The following TOP3A variants were observed in gnomAD, a reference collection of about 807,000 sequenced individuals.
The protein encoded by TOP3A is DNA topoisomerase 3-alpha.
In TOP3A, 64 loss-of-function variants were observed where a neutral mutation model predicts 111.3. The ratio of observed to expected loss-of-function variants is 0.57; its 90% confidence interval spans 0.47 to 0.71. TOP3A has a LOEUF of 0.71. Among genes scored for constraint, TOP3A ranks in the 30% least tolerant of loss-of-function variants. The pLI is 0.00. For missense variants in TOP3A, 1,104 were observed against 1,285.0 expected (o/e 0.86, Z 2.15); for synonymous variants, 484 against 485.1 (o/e 1.00, Z 0.03).
In TOP3A at chr17:18,295,467, A is replaced by AT. The variant is rs1248505223; in HGVS notation, c.991-683dup. Among the ~76,000 whole-genome samples, 6 of 142,032 alleles carry AT rather than the reference A, an allele frequency of 4.2e-5. No homozygotes were observed. In the South Asian group the frequency reaches 1.3e-3, roughly 32 times the overall value. 93.2% of individuals were successfully genotyped at this position (142,032 alleles called of 152,430 possible). A position where few individuals can be genotyped will look rare whatever the true frequency, so the allele number is the denominator to read the frequency against. On this transcript the variant is annotated intron_variant, in intron 9 of 18. Coordinates refer to ENST00000321105, the MANE Select transcript of TOP3A (RefSeq NM_004618.5). ...CTGGCCAAAACTCTGCATTTTAAAA[A>AT]TTTTTTTATTTTCGAGACAGTCTCG...
chr17:18,311,811 G>A (rs1244647451), intron 1 of TOP3A: 1 of 152,232 alleles, frequency 6.6e-6, no homozygotes, highest in Non-Finnish European at 1.5e-5. Context: ...ATGTCAGTAA[G>A]GGTCTCTGAC....
At chr17:18,293,657 C>T (rs971322582) in intron 10 of TOP3A, among the ~76,000 whole-genome samples, 1 of 151,930 alleles carries the variant, frequency 6.6e-6, no homozygotes, top group Non-Finnish European at 1.5e-5. Flanking sequence ...AGTGCAGTGG[C>T]GTGATCTCAG....
intron 15 of TOP3A, among the ~76,000 whole-genome samples, chr17:18,284,418 G>C (rs767796347): frequency 6.6e-6 from 1 of 152,168 alleles, no homozygotes; most frequent in South Asian, 2.1e-4. Context: ...CCTGAGGTAG[G>C]GGTGGGACTC....
At chr17:18,289,837 T>C (rs1271118262) in intron 13 of TOP3A, among the ~76,000 whole-genome samples, 1 of 152,216 alleles carries the variant, frequency 6.6e-6, no homozygotes, top group Non-Finnish European at 1.5e-5. Flanking sequence ...AGAAACTCCC[T>C]TTGTGGATGA....
At chr17:18,297,479 A>G (rs1567745434) in intron 9 of TOP3A, among the ~76,000 whole-genome samples, 1 of 151,628 alleles carries the variant, frequency 6.6e-6, no homozygotes, top group Non-Finnish European at 1.5e-5. Context: ...CCCTCTCTCC[A>G]CGGTCTCCCT....
rs540937551 is a variant in TOP3A, at chr17:18,277,877, T to A, written c.2625A>T (p.Pro875=). 2.0e-5 allele frequency: 32 copies of A among 1,614,022 alleles called. No homozygotes were observed. The South Asian group carries it at 3.3e-4, about 17-fold the overall frequency. ...RPLGASLGCP[P]GPGIHLGGFG... Reference sequence around the variant, plus strand: ...ACCCACCTAGGTGGATCCCTGGGCCTGGTGGGCATCCCAGGGAGGCGCCCA... The same window carrying A: ...ACCCACCTAGGTGGATCCCTGGGCCAGGTGGGCATCCCAGGGAGGCGCCCA... Residue 875 remains proline (P), a synonymous_variant, in exon 18 of 19, where the codon CCA becomes CCT. Coordinates refer to ENST00000321105, the MANE Select transcript of TOP3A (RefSeq NM_004618.5).
intron 13 of TOP3A, among the ~76,000 whole-genome samples, chr17:18,289,426 C>A (rs865783372): frequency 4.6e-5 from 7 of 152,176 alleles, no homozygotes; most frequent in African/African-American, 1.7e-4. Flanking sequence ...AGGTGCCCAC[C>A]GCCATGCCTG....
chr17:18,313,743 T>A (rs1207105217), intron 1 of TOP3A, among the ~76,000 whole-genome samples: 2 of 152,086 alleles, frequency 1.3e-5, no homozygotes, highest in Non-Finnish European at 2.9e-5. Context: ...GGTAAAGCTG[T>A]CAGCCAGCAT....
chr17:18,287,206 T>C (rs1212029248), intron 13 of TOP3A, among the ~76,000 whole-genome samples: 3 of 152,102 alleles, frequency 2.0e-5, no homozygotes, highest in Non-Finnish European at 4.4e-5. Context: ...AAGACCAGAC[T>C]AGGCAACATA....
intron 9 of TOP3A, among the ~76,000 whole-genome samples, chr17:18,296,448 C>A (rs944205557): frequency 4.5e-4 from 68 of 152,094 alleles, no homozygotes; most frequent in African/African-American, 1.6e-3. Context: ...GGTGTGGTGG[C>A]GCGCACCTAT....
chr17:18,294,203 G>A (rs1980652386), intron 10 of TOP3A, among the ~76,000 whole-genome samples: 1 of 152,142 alleles, frequency 6.6e-6, no homozygotes, highest in African/African-American at 2.4e-5. Flanking sequence ...TCTACTCTAT[G>A]GGTTTTTACA....
chr17:18,276,097 G>A (rs933698199), intron 18 of TOP3A, among the ~76,000 whole-genome samples: 1 of 152,146 alleles, frequency 6.6e-6, no homozygotes, highest in Non-Finnish European at 1.5e-5. Context: ...CTAAGCTTTG[G>A]AGACATTGTC....
chr17:18,314,607 T>G lies in TOP3A; in HGVS notation c.172A>C (p.Met58Leu). Residue 58 changes from methionine to leucine, a missense_variant, in exon 1 of 19, where the codon ATG (methionine) becomes CTG (leucine). Physicochemically the swap from Met to Leu is conservative, Grantham distance 15. Coordinates refer to ENST00000321105, the MANE Select transcript of TOP3A (RefSeq NM_004618.5). ...GIADLLSNGR[M>L]RRREGLSKFN... is the part of the protein sequence containing the mutation. ...GGAACGCGCTTTCTTACCCGCCTCA[T>G]GCGACCGTTTGACAGCAGGTCGGCG... The G allele has an allele frequency of 6.2e-7, 1 of 1,610,604 alleles. No individual in the cohort carries two copies. The highest frequency in any genetic ancestry group is 8.5e-7 in the Non-Finnish European group (1 of 1,178,076).
intron 1 of TOP3A, 59 bp downstream of exon 1, chr17:18,314,540 C>G (rs1982127009): frequency 6.5e-7 from 1 of 1,538,422 alleles, no homozygotes; most frequent in Admixed American, 1.9e-5. Flanking sequence ...GCCCACCACG[C>G]TGTCCCGCTC....
chr17:18,283,284 G>A (rs1016777883), intron 15 of TOP3A, among the ~76,000 whole-genome samples: 49 of 152,056 alleles, frequency 3.2e-4, no homozygotes, highest in African/African-American at 1.0e-3. Flanking sequence ...CAGGAGAATC[G>A]CTTGAACCCA....
intron 10 of TOP3A, among the ~76,000 whole-genome samples, chr17:18,293,886 C>T (rs530458263): frequency 3.9e-5 from 6 of 152,346 alleles, no homozygotes; most frequent in South Asian, 4.1e-4. Context: ...TGAGCCACCA[C>T]GCCCAGCATA....
At position 18,271,839 on chromosome 17, in the gene TOP3A, G is replaced by C; in HGVS notation, c.*2963C>G. The C allele has an allele frequency of 2.4e-6, 1 of 423,710 alleles. No homozygotes were observed. The highest frequency in any genetic ancestry group is 4.7e-6 in the Non-Finnish European group (1 of 211,618). 26.2% of individuals were successfully genotyped at this position (423,710 alleles called of 1,614,324 possible). ...GCACTTTGGGAGGCCGAGGCTGGTA[G>C]ATCACCTGAGGTCACGAGTTTGAGA... On this transcript the variant is annotated 3_prime_UTR_variant, in exon 19 of 19. Transcript: ENST00000321105.
At chr17:18,303,630 G>C (rs1981375866) in intron 5 of TOP3A, among the ~76,000 whole-genome samples, 1 of 152,264 alleles carries the variant, frequency 6.6e-6, no homozygotes, top group Non-Finnish European at 1.5e-5. Context: ...TAGCCTACGT[G>C]CACATCCAGG....
chr17:18,275,344 C>CTTTT (rs71155327), intron 18 of TOP3A, among the ~76,000 whole-genome samples: 54 of 77,152 alleles, frequency 7.0e-4, no homozygotes, highest in Non-Finnish European at 9.5e-4. Context: ...GCTGAACCAA[C>CTTTT]TTTTTTTTTT....
Sources: gnomAD v4.1 joint callset for allele counts (sites outside exome capture counted in the v4.1 genomes callset) on GRCh38, gnomAD v4.1.1 for gene constraint, MANE v1.5 for transcripts, NCBI Gene and HGNC (gene_info 2026-07-23, HGNC 2026-07-21) for gene names.